The following MOBP variants were observed in gnomAD, a reference collection of about 807,000 sequenced individuals.
MOBP encodes myelin associated oligodendrocyte basic protein.
Under a neutral mutation model 15.0 loss-of-function variants are expected in MOBP, and 5 were observed. That is an observed-to-expected ratio of 0.33 (90% CI 0.17 to 0.70). The LOEUF (loss-of-function observed/expected upper bound fraction) is 0.70. MOBP is among the 30% of genes least tolerant of loss of function. MOBP has a pLI of 0.67. For missense variants in MOBP, 188 were observed against 257.8 expected (o/e 0.73, Z 1.85); for synonymous variants, 88 against 99.0 (o/e 0.89, Z 0.66).
intron 2 of MOBP, among the ~76,000 whole-genome samples, chr3:39,501,848 C>T (rs2042974048): frequency 6.6e-6 from 1 of 152,076 alleles, no homozygotes. Flanking sequence ...CTTAAAAACA[C>T]GATTTTTAAA....
chr3:39,527,022 C>T (rs148721753), downstream of MOBP: 1,995 of 152,270 alleles, frequency 0.013, 59 homozygotes, highest in Admixed American at 0.065. Flanking sequence ...GTGATCCACC[C>T]GCCTCGGCCT....
chr3:39,513,522 T>A lies in MOBP; in HGVS notation c.*139T>A. ...TGAAGTTATCTGGCTTCAAATATTATGCAGGGGCAAACACCTGCTGATGTG... is the reference window on the plus strand; with the variant it reads ...TGAAGTTATCTGGCTTCAAATATTAAGCAGGGGCAAACACCTGCTGATGTG... On this transcript the variant is annotated 3_prime_UTR_variant, in exon 5 of 5. Coordinates refer to the MOBP transcript ENST00000311042. 4.8e-6 allele frequency: 6 copies of A among 1,258,256 alleles called. No homozygotes were observed. In the Middle Eastern group the frequency reaches 5.7e-4, roughly 119 times the overall value. 77.9% of individuals were successfully genotyped at this position (1,258,256 alleles called of 1,614,324 possible). A position where few individuals can be genotyped will look rare whatever the true frequency, so the allele number is the denominator to read the frequency against.
downstream of MOBP, among the ~76,000 whole-genome samples, chr3:39,504,960 C>T (rs557556148): frequency 8.5e-5 from 13 of 152,336 alleles, no homozygotes; most frequent in African/African-American, 3.1e-4. Context: ...TAATAACTCC[C>T]TTGGATAGGT....
Position 39,512,104 on chromosome 3 carries a change from A to C in MOBP, c.*-1279A>C, listed in dbSNP as rs185935645. Among the ~76,000 whole-genome samples, 220 of 152,168 alleles carry C rather than the reference A, an allele frequency of 1.4e-3. 1 individual carries two copies. The highest frequency in any genetic ancestry group is 5.0e-3 in the African/African-American group (208 of 41,502). On this transcript the variant is annotated intron_variant, in intron 4 of 4. Coordinates refer to the MOBP transcript ENST00000311042. ...CCTATCTACTAGCATATTATCTCCAACTCAATTGCCTTCCCTGGTTGATTG... is the reference window on the plus strand; with the variant it reads ...CCTATCTACTAGCATATTATCTCCACCTCAATTGCCTTCCCTGGTTGATTG...
intron 2 of MOBP, among the ~76,000 whole-genome samples, chr3:39,492,992 C>T (rs993329606): frequency 2.6e-5 from 4 of 152,154 alleles, no homozygotes; most frequent in African/African-American, 9.7e-5. Context: ...CCTGTGATAC[C>T]ATGCAGATAT....
At chr3:39,484,271 C>G (rs962475730) in intron 2 of MOBP, among the ~76,000 whole-genome samples, 1 of 152,136 alleles carries the variant, frequency 6.6e-6, no homozygotes, top group Non-Finnish European at 1.5e-5. Context: ...CAGGATAATG[C>G]TTCTGGCCTG....
At chr3:39,516,864 A>G (rs2043208078), downstream of MOBP, among the ~76,000 whole-genome samples, 1 of 152,150 alleles carries the variant, frequency 6.6e-6, no homozygotes, top group Admixed American at 6.5e-5. Flanking sequence ...TGATGAAGGG[A>G]AGCTGTAAAA....
rs1346873244 is a variant in MOBP, at chr3:39,502,434, G to T, written c.207-101G>T. 6.6e-7 allele frequency: 1 copy of T among 1,522,514 alleles called. No homozygotes were observed. 94.3% of individuals were successfully genotyped at this position (1,522,514 alleles called of 1,614,324 possible). On this transcript the variant is annotated intron_variant, in intron 3 of 3. Transcript: ENST00000684792. This position sits in a 1 kb window ranked among gnomAD's most constrained non-coding sequence, Gnocchi z 6.3. Reference sequence around the variant, plus strand: ...TCCAGGGAGACTGGAAGGTGGGTGGGGGAGCAGGGCCTTCCTACCTGTTTC... The same window carrying T: ...TCCAGGGAGACTGGAAGGTGGGTGGTGGAGCAGGGCCTTCCTACCTGTTTC...
intron 1 of MOBP, among the ~76,000 whole-genome samples, chr3:39,469,596 T>C (rs958409485): frequency 2.6e-5 from 4 of 152,246 alleles, no homozygotes; most frequent in Middle Eastern, 6.8e-3. Flanking sequence ...TGAGGCAGCT[T>C]TGACCTAGAC....
At chr3:39,479,748 A>G (rs977367251) in intron 1 of MOBP, among the ~76,000 whole-genome samples, 1 of 152,120 alleles carries the variant, frequency 6.6e-6, no homozygotes, top group African/African-American at 2.4e-5. Context: ...ATTTACTGGG[A>G]GAAATGAAAA....
intron 1 of MOBP, among the ~76,000 whole-genome samples, chr3:39,469,130 G>A (rs928329009): frequency 2.7e-5 from 2 of 75,348 alleles, no homozygotes; most frequent in Non-Finnish European, 4.7e-5. Context: ...ATATACATAT[G>A]TGTGTGTATA....
intron 2 of MOBP, among the ~76,000 whole-genome samples, chr3:39,487,807 C>A (rs1011800051): frequency 3.9e-5 from 6 of 152,044 alleles, no homozygotes; most frequent in Admixed American, 3.9e-4. Context: ...CAGGTGTGAG[C>A]CACCGCGCCC....
chr3:39,500,167 T>A, intron 2 of MOBP: 2 of 441,518 alleles, frequency 4.5e-6, no homozygotes, highest in Non-Finnish European at 9.1e-6. Flanking sequence ...TTTCTGGCCA[T>A]TAGCACATTA....
At chr3:39,471,478 G>A (rs1013381611) in intron 1 of MOBP, among the ~76,000 whole-genome samples, 1 of 152,096 alleles carries the variant, frequency 6.6e-6, no homozygotes, top group African/African-American at 2.4e-5. Flanking sequence ...AAACATCTTG[G>A]GAACTCCCAT....
At chr3:39,512,161 C>T (rs2043128057) in intron 4 of MOBP, among the ~76,000 whole-genome samples, 1 of 152,188 alleles carries the variant, frequency 6.6e-6, no homozygotes, top group African/African-American at 2.4e-5. Flanking sequence ...ATAAACTGGT[C>T]ATCCCCATTA....
chr3:39,500,285 T>C (rs1264131938), intron 2 of MOBP, among the ~76,000 whole-genome samples: 1 of 152,264 alleles, frequency 6.6e-6, no homozygotes, highest in East Asian at 1.9e-4. Flanking sequence ...AACTGAGCAC[T>C]GTGCCAGGCA....
At chr3:39,491,214 G>A (rs970719194) in intron 2 of MOBP, among the ~76,000 whole-genome samples, 5 of 152,188 alleles carry the variant, frequency 3.3e-5, no homozygotes, top group African/African-American at 2.4e-5. Flanking sequence ...ATGACAAATT[G>A]ATGATGTCAC....
At chr3:39,469,831 A>C (rs2042442704) in intron 1 of MOBP, among the ~76,000 whole-genome samples, 1 of 152,254 alleles carries the variant, frequency 6.6e-6, no homozygotes, top group African/African-American at 2.4e-5. Flanking sequence ...TTTGTACACC[A>C]AATTGCCAAA....
intron 2 of MOBP, among the ~76,000 whole-genome samples, chr3:39,495,976 A>G (rs1171877034): frequency 6.6e-6 from 1 of 151,872 alleles, no homozygotes; most frequent in African/African-American, 2.4e-5. Context: ...TTTATTACAA[A>G]TTTTAAAAAC....
Sources: gnomAD v4.1 joint callset for allele counts (sites outside exome capture counted in the v4.1 genomes callset) on GRCh38, gnomAD v4.1.1 for gene constraint, Gnocchi (gnomAD v3.1) non-coding constraint, MANE v1.5 for transcripts, NCBI Gene and HGNC (gene_info 2026-07-23, HGNC 2026-07-21) for gene names.